The following PTAR1 variants were observed in gnomAD, a reference collection of about 807,000 sequenced individuals.
The protein encoded by PTAR1 is protein prenyltransferase alpha subunit repeat containing 1.
A neutral mutation model predicts 45.5 loss-of-function variants in PTAR1; 17 were observed. That is an observed-to-expected ratio of 0.37 (90% CI 0.26 to 0.56). The LOEUF (loss-of-function observed/expected upper bound fraction) is 0.56, where lower values mean the gene tolerates loss of function less well. Ranked by LOEUF, PTAR1 falls within the 20% of genes least tolerant of loss-of-function variation. The pLI is 0.77. For synonymous variants in PTAR1, 169 were observed against 171.3 expected, an observed-to-expected ratio of 0.99 and a Z score of 0.11; for missense variants, 391 against 476.3, an observed-to-expected ratio of 0.82 and a Z score of 1.67.
chr9:69,743,587 ATACAT>A (rs1313219724), intron 2 of PTAR1, among the ~76,000 whole-genome samples: 1 of 152,218 alleles, frequency 6.6e-6, no homozygotes, highest in Non-Finnish European at 1.5e-5. Context: ...AAGTCATTAC[ATACAT>A]TACAACACAA....
At chr9:69,737,626 T>G (rs1000659430) in intron 3 of PTAR1, among the ~76,000 whole-genome samples, 2 of 152,324 alleles carry the variant, frequency 1.3e-5, no homozygotes, top group South Asian at 2.1e-4. Flanking sequence ...CTTTTTCTTT[T>G]CTCAATCTTT....
At chr9:69,723,928 G>A (rs1489464901) in intron 5 of PTAR1, among the ~76,000 whole-genome samples, 1 of 151,812 alleles carries the variant, frequency 6.6e-6, no homozygotes, top group East Asian at 1.9e-4. Context: ...ACACAGAGAA[G>A]GAAAATAAAA....
Position 69,718,234 on chromosome 9 carries a change from G to T in PTAR1, c.*108C>A. 2.8e-6 allele frequency: 2 copies of T among 709,908 alleles called. No homozygotes were observed. The highest frequency in any genetic ancestry group is 2.2e-6 in the Non-Finnish European group (1 of 445,938). The allele number at this position is 709,908 out of a possible 1,614,324, so 44.0% of individuals were successfully genotyped here. ...TATGGACTTTCAACCTAAAGACGAAGAACATATGGTTAGCCAATAATAGTA... is the reference window on the plus strand; with the variant it reads ...TATGGACTTTCAACCTAAAGACGAATAACATATGGTTAGCCAATAATAGTA... On this transcript the variant is annotated 3_prime_UTR_variant, in exon 8 of 8. Transcript: ENST00000340434.
intron 1 of PTAR1, among the ~76,000 whole-genome samples, chr9:69,751,404 T>G (rs997485266): frequency 6.6e-6 from 1 of 151,518 alleles, no homozygotes; most frequent in Non-Finnish European, 1.5e-5. Context: ...GATCTGCATA[T>G]GCTGACATAA....
intron 3 of PTAR1, among the ~76,000 whole-genome samples, chr9:69,740,931 T>A (rs1314735376): frequency 6.6e-6 from 1 of 152,196 alleles, no homozygotes; most frequent in Admixed American, 6.5e-5. Context: ...ATTAATGAGA[T>A]ATTTCCATTT....
Position 69,734,258 on chromosome 9 carries a change from T to TAA in PTAR1, c.324-6_324-5dup, listed in dbSNP as rs398010830. 0.068 allele frequency: 14,005 copies of TAA among 205,770 alleles called. 577 individuals carry two copies. Among genetic ancestry groups the TAA allele is most frequent in the African/African-American group, 0.15 (3,363 of 21,956 alleles). The allele number at this position is 205,770 out of a possible 1,614,324, so 12.7% of individuals were successfully genotyped here. ...GCCAGAGAGGATCAGCTCTTTCCTGTAAAAAAAAAAAAAAAAAAAAAAAAA... is the reference window on the plus strand; with the variant it reads ...GCCAGAGAGGATCAGCTCTTTCCTGTAAAAAAAAAAAAAAAAAAAAAAAAAAA... On this transcript the variant is annotated splice_polypyrimidine_tract_variant and splice_region_variant and intron_variant, in intron 3 of 7. Transcript: ENST00000340434.
In PTAR1 at chr9:69,717,187, C is replaced by G. The variant is rs1824761064; in HGVS notation, c.*1155G>C. 6.6e-6 allele frequency: 1 copy of G among 152,174 alleles called. No individual in the cohort carries two copies. The highest frequency in any genetic ancestry group is 6.5e-5 in the Admixed American group (1 of 15,268). 9.4% of individuals were successfully genotyped at this position (152,174 alleles called of 1,614,324 possible). A position where few individuals can be genotyped will look rare whatever the true frequency, so the allele number is the denominator to read the frequency against. ...CTTGGCATTTGCCAGTAAACTTTAACAGTCACTTCATGATAATTTTATAGT... is the reference window on the plus strand; with the variant it reads ...CTTGGCATTTGCCAGTAAACTTTAAGAGTCACTTCATGATAATTTTATAGT... On this transcript the variant is annotated 3_prime_UTR_variant, in exon 8 of 8. Transcript: ENST00000340434.
chr9:69,709,584 A>G lies in PTAR1; in HGVS notation c.*8758T>C, dbSNP rs1016854727. On this transcript the variant is annotated 3_prime_UTR_variant, in exon 8 of 8. Coordinates refer to ENST00000340434, the MANE Select transcript of PTAR1 (RefSeq NM_001099666.2). ...AACATTTAGCAAAGGTAAGACAAATACTATTTTCCATATTCTACAGAAATA... is the reference window on the plus strand; with the variant it reads ...AACATTTAGCAAAGGTAAGACAAATGCTATTTTCCATATTCTACAGAAATA... 2 of 152,214 alleles carry G rather than the reference A, an allele frequency of 1.3e-5. No individual in the cohort carries two copies. The highest frequency in any genetic ancestry group is 2.4e-5 in the African/African-American group (1 of 41,472). 9.4% of individuals were successfully genotyped at this position (152,214 alleles called of 1,614,324 possible).
At chr9:69,726,723 CTT>C in intron 5 of PTAR1, among the ~76,000 whole-genome samples, 1 of 151,684 alleles carries the variant, frequency 6.6e-6, no homozygotes, top group Non-Finnish European at 1.5e-5. Context: ...ATTACTTTTC[CTT>C]TGCTTCTTCA....
At position 69,712,029 on chromosome 9, in the gene PTAR1, GTAAGGGAGGA is replaced by G. The variant is rs1824544100; in HGVS notation, c.*6303_*6312del. 6.6e-6 allele frequency: 1 copy of G among 152,100 alleles called. No individual in the cohort carries two copies. The highest frequency in any genetic ancestry group is 1.5e-5 in the Non-Finnish European group (1 of 67,996). 9.4% of individuals were successfully genotyped at this position (152,100 alleles called of 1,614,324 possible). A position where few individuals can be genotyped will look rare whatever the true frequency, so the allele number is the denominator to read the frequency against. Reference sequence around the variant, plus strand: ...CTGCTCCAAATGCAAGATGATATTTGTAAGGGAGGATAATTTATCAACTTTTTCTAATAGA... The same window carrying G: ...CTGCTCCAAATGCAAGATGATATTTGTAATTTATCAACTTTTTCTAATAGA... On this transcript the variant is annotated 3_prime_UTR_variant, in exon 8 of 8. Transcript: ENST00000340434.
Position 69,714,253 on chromosome 9 carries a change from T to C in PTAR1, c.*4089A>G, listed in dbSNP as rs773768298. 1 of 152,092 alleles carries C rather than the reference T, an allele frequency of 6.6e-6. No homozygotes were observed. Among genetic ancestry groups the C allele is most frequent in the Non-Finnish European group, 1.5e-5 (1 of 67,990 alleles). 9.4% of individuals were successfully genotyped at this position (152,092 alleles called of 1,614,324 possible). A position where few individuals can be genotyped will look rare whatever the true frequency, so the allele number is the denominator to read the frequency against. On this transcript the variant is annotated 3_prime_UTR_variant, in exon 8 of 8. Transcript: ENST00000340434. ...CAGTTGTTATCAGGTTCAAATTTTC[T>C]AGCATACTTTAAATATCTGTAAGTT...
In PTAR1 at chr9:69,756,877, A is replaced by C. The variant is rs181904483; in HGVS notation, c.86+2976T>G. 5.7e-3 allele frequency among the ~76,000 whole-genome samples: 869 copies of C among 152,306 alleles called. 9 individuals carry two copies. Among genetic ancestry groups the C allele is most frequent in the African/African-American group, 0.018 (737 of 41,564 alleles). On this transcript the variant is annotated intron_variant, in intron 1 of 7. Transcript: ENST00000340434. ...ACCTGCACTATGCATCACAGTAGTC[A>C]CTAGGCACATGGAGCCACTACGTAC...
In PTAR1 at chr9:69,732,144, C is replaced by T. The variant is rs763553924; in HGVS notation, c.637G>A (p.Val213Ile). The T allele has an allele frequency of 2.3e-5, 37 of 1,610,940 alleles. No homozygotes were observed. In the South Asian group the frequency reaches 4.0e-4, roughly 17 times the overall value. Residue 213 changes from valine (V) to isoleucine (I), a missense_variant, in exon 5 of 8, where the codon GTC (valine) becomes ATC (isoleucine). Transcript: ENST00000340434. The stretch of plus-strand genomic sequence containing the variant: ...GGAGACAGTAATATTCCTACCTTGA[C>T]ATCTAGCTTGGCCAAGTGCTGTAAA... ...WVLQHLAKLD[V>I]KILLDELSST...
At chr9:69,728,301 G>T (rs1179382311) in intron 5 of PTAR1, among the ~76,000 whole-genome samples, 1 of 152,106 alleles carries the variant, frequency 6.6e-6, no homozygotes, top group African/African-American at 2.4e-5. Context: ...CCTAGGAGCA[G>T]AATTACAGGG....
intron 1 of PTAR1, among the ~76,000 whole-genome samples, chr9:69,756,539 T>C (rs1826784205): frequency 6.6e-6 from 1 of 152,122 alleles, no homozygotes; most frequent in Non-Finnish European, 1.5e-5. Context: ...TGAAAGAAAT[T>C]AAATGAGAGT....
intron 4 of PTAR1, among the ~76,000 whole-genome samples, chr9:69,733,442 C>T (rs183022843): frequency 4.6e-5 from 7 of 152,236 alleles, no homozygotes; most frequent in African/African-American, 1.2e-4. Flanking sequence ...TTCAGAGTGA[C>T]TTCTTCATTG....
rs1824626106 is a variant in PTAR1, at chr9:69,713,976, A to G, written c.*4366T>C. On this transcript the variant is annotated 3_prime_UTR_variant, in exon 8 of 8. Coordinates refer to ENST00000340434, the MANE Select transcript of PTAR1 (RefSeq NM_001099666.2). ...CCTGTTTTCTTAAACATTAAATATAATCTTGCTCCCAAAAAAGTAAGAAAG... is the reference window on the plus strand; with the variant it reads ...CCTGTTTTCTTAAACATTAAATATAGTCTTGCTCCCAAAAAAGTAAGAAAG... 6.6e-6 allele frequency: 1 copy of G among 152,134 alleles called. No individual in the cohort carries two copies. 9.4% of individuals were successfully genotyped at this position (152,134 alleles called of 1,614,324 possible).
At chr9:69,719,223 A>G (rs527966606) in intron 6 of PTAR1, among the ~76,000 whole-genome samples, 1 of 152,220 alleles carries the variant, frequency 6.6e-6, no homozygotes, top group South Asian at 2.1e-4. Flanking sequence ...TAAATCCATC[A>G]CCAACTACAG....
intron 6 of PTAR1, among the ~76,000 whole-genome samples, chr9:69,721,189 T>C (rs768677833): frequency 2.6e-5 from 4 of 152,122 alleles, no homozygotes; most frequent in Non-Finnish European, 5.9e-5. Context: ...AGTCAAAATA[T>C]CAACATGAAC....
Sources: allele counts gnomAD v4.1 joint callset (sites outside exome capture counted in the v4.1 genomes callset), GRCh38; gene constraint gnomAD v4.1.1; transcripts MANE v1.5; gene names NCBI Gene and HGNC (gene_info 2026-07-23, HGNC 2026-07-21).